SEZ6L: variants seen among roughly 807,000 people sequenced by gnomAD.
The protein encoded by SEZ6L is seizure related 6 homolog like, also known as seizure 6-like protein.
SEZ6L carries 37 observed loss-of-function variants against 106.2 expected under a neutral mutation model. That is an observed-to-expected ratio of 0.35 (90% CI 0.27 to 0.46). SEZ6L has a LOEUF of 0.46. Among genes scored for constraint, SEZ6L ranks in the 20% least tolerant of loss-of-function variants. SEZ6L has a pLI of 1.00. For missense variants in SEZ6L, 1,172 were observed against 1,332.8 expected (o/e 0.88, Z 1.88); for synonymous variants, 541 against 570.4 (o/e 0.95, Z 0.73).
intron 12 of SEZ6L, among the ~76,000 whole-genome samples, chr22:26,361,517 A>AT (rs1568943867): frequency 1.8e-4 from 24 of 129,968 alleles, no homozygotes; most frequent in Admixed American, 3.1e-4. Flanking sequence ...AAAAAAAAAA[A>AT]AAAATATATA....
intron 9 of SEZ6L, among the ~76,000 whole-genome samples, chr22:26,315,856 G>A (rs936476293): frequency 4.6e-5 from 7 of 151,972 alleles, no homozygotes; most frequent in African/African-American, 1.7e-4. Context: ...CCAGGAGTTC[G>A]AGACCAGCCT....
chr22:26,319,693 T>C (rs770565030), intron 9 of SEZ6L, among the ~76,000 whole-genome samples: 11 of 152,176 alleles, frequency 7.2e-5, no homozygotes, highest in Non-Finnish European at 1.5e-4. Context: ...CTACGCATTG[T>C]GGTGTATCTT....
rs1041726589 is a variant in SEZ6L at position 26,345,008 on chromosome 22, C to T, written c.2213-2711C>T. Among the ~76,000 whole-genome samples the T allele has an allele frequency of 9.2e-5, 14 of 152,142 alleles. No individual in the cohort carries two copies. In the South Asian group the frequency reaches 2.1e-3, roughly 23 times the overall value. On this transcript the variant is annotated intron_variant, in intron 10 of 16. Coordinates refer to ENST00000248933, the MANE Select transcript of SEZ6L (RefSeq NM_021115.5). ...CCCATGGGAACAGACCATTCCAGAG[C>T]CTCCACTTAGGGTGCTTGGTAAAAA... is the stretch of plus-strand genomic sequence containing the variant.
intron 1 of SEZ6L, among the ~76,000 whole-genome samples, chr22:26,288,333 A>C (rs2081002136): frequency 6.6e-6 from 1 of 152,188 alleles, no homozygotes; most frequent in African/African-American, 2.4e-5. Flanking sequence ...TTTTTCAATC[A>C]TCAGCTTCCC....
intron 1 of SEZ6L, among the ~76,000 whole-genome samples, chr22:26,283,802 A>G (rs1220000271): frequency 6.6e-6 from 1 of 151,988 alleles, no homozygotes; most frequent in African/African-American, 2.4e-5. Flanking sequence ...GGAGAAGGAG[A>G]TGGAGAATAT....
At chr22:26,222,153 C>T (rs74554556) in intron 1 of SEZ6L, among the ~76,000 whole-genome samples, 5,308 of 152,182 alleles carry the variant, frequency 0.035, 208 homozygotes, top group East Asian at 0.19. Flanking sequence ...CAGAAACTCT[C>T]GAGTTATAAC....
chr22:26,240,500 T>A (rs942367388), intron 1 of SEZ6L, among the ~76,000 whole-genome samples: 2 of 152,184 alleles, frequency 1.3e-5, no homozygotes, highest in Non-Finnish European at 2.9e-5. Flanking sequence ...GAGTATGTAG[T>A]TAATGGCATC....
chr22:26,381,841 G>A lies in SEZ6L; in HGVS notation c.*1546G>A. On this transcript the variant is annotated 3_prime_UTR_variant, in exon 17 of 17. Coordinates refer to ENST00000248933, the MANE Select transcript of SEZ6L (RefSeq NM_021115.5). ...CAGACAGACGGGCACAGTGGCATTT[G>A]GAACCCTCTTTGGTGCCCTCCCATT... 1 of 343,812 alleles carries A rather than the reference G, an allele frequency of 2.9e-6. No individual in the cohort carries two copies. The highest frequency in any genetic ancestry group is 5.8e-6 in the Non-Finnish European group (1 of 173,084). The allele number at this position is 343,812 out of a possible 1,614,324, so 21.3% of individuals were successfully genotyped here. A position where few individuals can be genotyped will look rare whatever the true frequency, so the allele number is the denominator to read the frequency against.
chr22:26,241,080 C>T (rs1443539455), intron 1 of SEZ6L, among the ~76,000 whole-genome samples: 1 of 152,140 alleles, frequency 6.6e-6, no homozygotes, highest in African/African-American at 2.4e-5. Flanking sequence ...CCTGTTCGTT[C>T]ATCATTTCAT....
intron 9 of SEZ6L, among the ~76,000 whole-genome samples, chr22:26,332,046 T>C (rs2082496641): frequency 1.3e-5 from 2 of 151,972 alleles, no homozygotes; most frequent in African/African-American, 4.8e-5. Context: ...CACAGCTATA[T>C]AGGAGGAATA....
intron 1 of SEZ6L, among the ~76,000 whole-genome samples, chr22:26,207,804 C>CCCCT (rs1173762599): frequency 4.6e-5 from 7 of 152,142 alleles, no homozygotes; most frequent in Non-Finnish European, 8.8e-5. Context: ...GACCCTTTGA[C>CCCCT]CCCTCATCCA....
At chr22:26,353,432 C>T (rs2083340601) in intron 12 of SEZ6L, among the ~76,000 whole-genome samples, 1 of 152,134 alleles carries the variant, frequency 6.6e-6, no homozygotes, top group African/African-American at 2.4e-5. Flanking sequence ...AGAATCATTG[C>T]TCATTGAATG....
intron 1 of SEZ6L, among the ~76,000 whole-genome samples, chr22:26,275,161 A>G (rs2080502499): frequency 6.6e-6 from 1 of 152,242 alleles, no homozygotes; most frequent in South Asian, 2.1e-4. Flanking sequence ...ACAGCAGTAT[A>G]CAGATGGTCC....
rs1299791158 is a variant in SEZ6L at position 26,351,204 on chromosome 22, G to A, written c.2560G>A (p.Gly854Arg). Residue 854 changes from glycine to arginine, a missense_variant, in exon 12 of 17, where the codon GGG (glycine) becomes AGG (arginine). Transcript: ENST00000248933. ...SLLTCYSRET[G>R]TPIWTSRLPH... ...TCTGACCTGCTACAGCCGTGAAACAGGGACTCCCATCTGGACGTCTCGCCT... is the reference window on the plus strand; with the variant it reads ...TCTGACCTGCTACAGCCGTGAAACAAGGACTCCCATCTGGACGTCTCGCCT... The A allele has an allele frequency of 6.2e-7, 1 of 1,614,140 alleles. No homozygotes were observed. Among genetic ancestry groups the A allele is most frequent in the Non-Finnish European group, 8.5e-7 (1 of 1,180,004 alleles).
At chr22:26,247,288 G>T (rs1028555651) in intron 1 of SEZ6L, among the ~76,000 whole-genome samples, 5 of 152,126 alleles carry the variant, frequency 3.3e-5, no homozygotes, top group Non-Finnish European at 7.4e-5. Context: ...TACTTCTTCA[G>T]GCAAGTCATT....
chr22:26,183,234 C>T (rs1939527147), intron 1 of SEZ6L, among the ~76,000 whole-genome samples: 1 of 152,206 alleles, frequency 6.6e-6, no homozygotes, highest in South Asian at 2.1e-4. Context: ...GACCTACTTT[C>T]TCTTTATTTC....
At chr22:26,298,733 C>T (rs923169700) in intron 4 of SEZ6L, among the ~76,000 whole-genome samples, 32 of 152,192 alleles carry the variant, frequency 2.1e-4, no homozygotes, top group Admixed American at 2.6e-4. Context: ...TATGGAAACT[C>T]ATTTTTCATC....
chr22:26,294,461 G>T (rs199835666), intron 3 of SEZ6L, 36 bp downstream of exon 3: 1 of 1,600,414 alleles, frequency 6.2e-7, no homozygotes, highest in Non-Finnish European at 8.5e-7. Flanking sequence ...AGGCTGCCTC[G>T]TCTAGCAGGA....
intron 1 of SEZ6L, among the ~76,000 whole-genome samples, chr22:26,227,273 C>G (rs1270422583): frequency 1.3e-5 from 2 of 151,160 alleles, no homozygotes. Flanking sequence ...CCCCAATTTC[C>G]TCAAGCATAA....
Sources: gnomAD v4.1 joint callset for allele counts (sites outside exome capture counted in the v4.1 genomes callset) on GRCh38, gnomAD v4.1.1 for gene constraint, MANE v1.5 for transcripts, NCBI Gene and HGNC (gene_info 2026-07-23, HGNC 2026-07-21) for gene names.